The following BPTF variants were observed in gnomAD, a reference collection of about 807,000 sequenced individuals.
The protein encoded by BPTF is nucleosome-remodeling factor subunit BPTF.
In BPTF, 18 loss-of-function variants were observed where a neutral mutation model predicts 292.5. The observed-to-expected ratio is 0.06, with a 90% CI of 0.04 to 0.09. The LOEUF (loss-of-function observed/expected upper bound fraction) is 0.09, where lower values mean the gene tolerates loss of function less well. Among genes scored for constraint, BPTF ranks in the 10% least tolerant of loss-of-function variants. The pLI, the probability that BPTF is intolerant of heterozygous loss-of-function variation, is 1.00. For missense variants in BPTF, 2,726 were observed against 3,498.7 expected, an observed-to-expected ratio of 0.78 and a Z score of 5.57; for synonymous variants, 1,225 against 1,251.9, an observed-to-expected ratio of 0.98 and a Z score of 0.45.
In BPTF at chr17:67,912,111, A is replaced by G; in HGVS notation, c.4227A>G (p.Gly1409=). ...GAACAAGTACATTTCAAATAAATGGAAAAGATAATAAACCCAAAATATATT... is the reference window on the plus strand; with the variant it reads ...GAACAAGTACATTTCAAATAAATGGGAAAGATAATAAACCCAAAATATATT... The part of the protein sequence containing the change: ...GQRTSTFQIN[G]KDNKPKIYLK... The change falls in exon 11 of 28, where the codon GGA becomes GGG. Residue 1409 remains glycine (G), a synonymous_variant. Coordinates refer to ENST00000306378, the MANE Select transcript of BPTF (RefSeq NM_182641.4). 1 of 1,608,004 alleles carries G rather than the reference A, an allele frequency of 6.2e-7. No homozygotes were observed. The highest frequency in any genetic ancestry group is 8.5e-7 in the Non-Finnish European group (1 of 1,178,152).
chr17:67,830,525 A>G (rs2056570311), intron 1 of BPTF, among the ~76,000 whole-genome samples: 1 of 150,050 alleles, frequency 6.7e-6, no homozygotes. Flanking sequence ...TGCAGTGGGC[A>G]TTTTAAGGAG....
chr17:67,833,553 C>T (rs2056896096), intron 1 of BPTF, among the ~76,000 whole-genome samples: 2 of 151,734 alleles, frequency 1.3e-5, no homozygotes, highest in South Asian at 4.2e-4. Context: ...TGTATTATTG[C>T]AAATTCAGTT....
chr17:67,850,470 G>A (rs555322614), intron 1 of BPTF, among the ~76,000 whole-genome samples: 1 of 152,286 alleles, frequency 6.6e-6, no homozygotes, highest in East Asian at 1.9e-4. Context: ...CTGGGTTCAA[G>A]CGGTTCTTCT....
intron 2 of BPTF, among the ~76,000 whole-genome samples, chr17:67,866,207 A>T (rs950540541): frequency 6.6e-6 from 1 of 152,172 alleles, no homozygotes; most frequent in Admixed American, 6.5e-5. Context: ...GTTGGTTGAG[A>T]TGTAGCTGAA....
chr17:67,913,085 A>G lies in BPTF; in HGVS notation c.5201A>G (p.Lys1734Arg). The change falls in exon 11 of 28, where the codon AAA becomes AGA. Residue 1734 changes from lysine to arginine, a missense_variant. By Grantham distance (26) the Lys-to-Arg change is conservative. Around this residue, in one of 22 missense-constraint regions of BPTF, gnomAD observed 24 missense variants for 57.5 expected, o/e 0.42. Coordinates refer to ENST00000306378, the MANE Select transcript of BPTF (RefSeq NM_182641.4). ...GATGACTTAAAAAAGTTGGCCCGAA[A>G]AGGAGGAATCCGAGAGGTCCCTTAT... ...PNDDLKKLAR[K>R]GGIREVPYFN... The G allele has an allele frequency of 1.9e-6, 3 of 1,614,176 alleles. No homozygotes were observed. The highest frequency in any genetic ancestry group is 1.7e-6 in the Non-Finnish European group (2 of 1,180,028).
At chr17:67,882,264 C>A (rs1156472150) in intron 4 of BPTF, among the ~76,000 whole-genome samples, 2 of 152,084 alleles carry the variant, frequency 1.3e-5, no homozygotes, top group Non-Finnish European at 2.9e-5. Flanking sequence ...ATTTAGAGAC[C>A]ACAGTCTAGA....
At position 67,825,904 on chromosome 17, in the gene BPTF, C is replaced by G; in HGVS notation, c.180C>G (p.Pro60=). ...CCGCCGCCCAGGCTGAGGTGGCGCC[C>G]AAGACGCGGCTGAGCTCGCCCAGGG... ...RWAAAQAEVA[P]KTRLSSPRGG... is the part of the protein sequence containing the mutation. Residue 60 remains proline, a synonymous_variant, in exon 1 of 28, where the codon CCC becomes CCG. Coordinates refer to ENST00000306378, the MANE Select transcript of BPTF (RefSeq NM_182641.4). 1 of 1,016,140 alleles carries G rather than the reference C, an allele frequency of 9.8e-7. No individual in the cohort carries two copies. Among genetic ancestry groups the G allele is most frequent in the Non-Finnish European group, 1.2e-6 (1 of 851,746 alleles). 62.9% of individuals were successfully genotyped at this position (1,016,140 alleles called of 1,614,324 possible).
chr17:67,916,952 A>G (rs77766843), intron 11 of BPTF, among the ~76,000 whole-genome samples: 11,821 of 152,032 alleles, frequency 0.078, 1,573 homozygotes, highest in African/African-American at 0.27. Context: ...ACAAAGATAT[A>G]TAGTGAATTC....
intron 27 of BPTF, among the ~76,000 whole-genome samples, chr17:67,976,590 A>C (rs1555694014): frequency 6.6e-6 from 1 of 150,704 alleles, no homozygotes; most frequent in East Asian, 2.0e-4. Context: ...GGAGGCTGTG[A>C]CAGGACGATC....
intron 4 of BPTF, among the ~76,000 whole-genome samples, chr17:67,877,242 C>T (rs184353642): frequency 9.8e-5 from 15 of 152,294 alleles, no homozygotes; most frequent in African/African-American, 1.9e-4. Flanking sequence ...GGGCAGTAGA[C>T]GGACTTAATA....
chr17:67,982,138 A>G, intron 27 of BPTF, 114 bp from the exon 28 acceptor site: 2 of 943,636 alleles, frequency 2.1e-6, no homozygotes, highest in South Asian at 2.7e-5. Flanking sequence ...CCAAGGGTGA[A>G]TGAAAGAACA....
At chr17:67,891,201 T>A (rs1443488554) in intron 4 of BPTF, among the ~76,000 whole-genome samples, 1 of 151,854 alleles carries the variant, frequency 6.6e-6, no homozygotes, top group Non-Finnish European at 1.5e-5. Context: ...AAAAAAAAAA[T>A]TCAGCCAAAG....
intron 4 of BPTF, among the ~76,000 whole-genome samples, chr17:67,887,833 C>T (rs1265444036): frequency 6.6e-6 from 1 of 152,128 alleles, no homozygotes; most frequent in African/African-American, 2.4e-5. Context: ...CAGGCTATTC[C>T]CATGTGGCAG....
chr17:67,825,989 G>C lies in BPTF; in HGVS notation c.265G>C (p.Ala89Pro). The change falls in exon 1 of 28, where the codon GCC becomes CCC. Residue 89 changes from alanine to proline, a missense_variant. Physicochemically the swap from Ala to Pro is conservative, Grantham distance 27 (BLOSUM62 -1). Transcript: ENST00000306378. ...PPPPAPPSTS[A>P]PGRGGRGGGG... ...GCCGCCGGCCCCCCCCAGCACCAGCGCCCCGGGCCGGGGGGGGCGAGGAGG... is the reference window on the plus strand; with the variant it reads ...GCCGCCGGCCCCCCCCAGCACCAGCCCCCCGGGCCGGGGGGGGCGAGGAGG... The C allele has an allele frequency of 1.3e-5, 13 of 1,037,388 alleles. No homozygotes were observed. Among genetic ancestry groups the C allele is most frequent in the Non-Finnish European group, 1.4e-5 (12 of 848,278 alleles). 64.3% of individuals were successfully genotyped at this position (1,037,388 alleles called of 1,614,324 possible). A position where few individuals can be genotyped will look rare whatever the true frequency, so the allele number is the denominator to read the frequency against.
chr17:67,951,075 C>G (rs1470310434), intron 23 of BPTF: 1 of 152,080 alleles, frequency 6.6e-6, no homozygotes, highest in Admixed American at 6.6e-5. Flanking sequence ...TCCCAAAGTC[C>G]TGGGATTACA....
At chr17:67,947,856 C>A in intron 22 of BPTF, 48 bp downstream of exon 22, 1 of 1,498,304 alleles carries the variant, frequency 6.7e-7, no homozygotes, top group South Asian at 1.2e-5. Flanking sequence ...TTCTCTTTAT[C>A]GTGCACACGC....
intron 26 of BPTF, among the ~76,000 whole-genome samples, chr17:67,968,375 A>G (rs1326307946): frequency 1.3e-5 from 2 of 151,644 alleles, no homozygotes; most frequent in East Asian, 3.8e-4. Context: ...ATCATTGTAC[A>G]TATTTCAAAT....
chr17:67,913,256 C>T (rs1446645753), intron 11 of BPTF, 69 bp downstream of exon 11: 1 of 1,483,046 alleles, frequency 6.7e-7, no homozygotes, highest in Non-Finnish European at 9.0e-7. Context: ...AAGAATATCT[C>T]ATTTTTAAAA....
chr17:67,873,880 T>C (rs1440068096), intron 3 of BPTF, among the ~76,000 whole-genome samples: 3 of 152,186 alleles, frequency 2.0e-5, no homozygotes, highest in African/African-American at 4.8e-5. Context: ...CTCCAATTTG[T>C]TCTTCAAAAA....
Sources: gnomAD v4.1 joint callset for allele counts (sites outside exome capture counted in the v4.1 genomes callset) on GRCh38, gnomAD v4.1.1 for gene constraint, gnomAD v4.1.1 regional missense constraint, MANE v1.5 for transcripts, NCBI Gene and HGNC (gene_info 2026-07-23, HGNC 2026-07-21) for gene names.